PRKCE: variants seen among roughly 807,000 people sequenced by gnomAD.
PRKCE encodes protein kinase C epsilon type.
Under a neutral mutation model 85.4 loss-of-function variants are expected in PRKCE, and 16 were observed. That is an observed-to-expected ratio of 0.19 (90% CI 0.13 to 0.28). The LOEUF (loss-of-function observed/expected upper bound fraction) is 0.28. PRKCE is among the 10% of genes least tolerant of loss of function. The pLI, the probability that PRKCE is intolerant of heterozygous loss-of-function variation, is 1.00. For synonymous variants in PRKCE, 388 were observed against 371.5 expected, an observed-to-expected ratio of 1.04 and a Z score of -0.51; for missense variants, 573 against 975.2, an observed-to-expected ratio of 0.59 and a Z score of 5.49.
At chr2:46,134,831 G>T (rs73926196) in intron 11 of PRKCE, among the ~76,000 whole-genome samples, 2 of 152,334 alleles carry the variant, frequency 1.3e-5, no homozygotes, top group African/African-American at 4.8e-5. Context: ...ACGACGGATC[G>T]TCAGGCTAGC....
chr2:46,084,246 TGG>T (rs1669369002), intron 10 of PRKCE, among the ~76,000 whole-genome samples: 2 of 151,886 alleles, frequency 1.3e-5, no homozygotes, highest in Non-Finnish European at 2.9e-5. Flanking sequence ...GAGACTGGAG[TGG>T]GGGTGAAGGT....
intron 2 of PRKCE, among the ~76,000 whole-genome samples, chr2:45,963,460 C>T (rs1282859918): frequency 1.3e-5 from 2 of 152,198 alleles, no homozygotes; most frequent in African/African-American, 4.8e-5. Context: ...AGGTGTGCGC[C>T]ACCACGCCCG....
At chr2:46,102,762 A>C (rs944015032) in intron 11 of PRKCE, among the ~76,000 whole-genome samples, 3 of 152,090 alleles carry the variant, frequency 2.0e-5, no homozygotes, top group Non-Finnish European at 4.4e-5. Context: ...TCATGATTAG[A>C]CTCTGATTAT....
chr2:46,032,712 A>T (rs1707611936), intron 10 of PRKCE, among the ~76,000 whole-genome samples: 1 of 152,204 alleles, frequency 6.6e-6, no homozygotes, highest in Non-Finnish European at 1.5e-5. Flanking sequence ...AGAAGGTCCT[A>T]ATCAGGAAGC....
intron 11 of PRKCE, among the ~76,000 whole-genome samples, chr2:46,087,859 G>A (rs1271055963): frequency 6.6e-6 from 1 of 152,140 alleles, no homozygotes; most frequent in African/African-American, 2.4e-5. Context: ...TGCAGCTTTA[G>A]TACTTATGTG....
At chr2:46,056,641 C>A (rs1380977535) in intron 10 of PRKCE, among the ~76,000 whole-genome samples, 1 of 152,168 alleles carries the variant, frequency 6.6e-6, no homozygotes, top group East Asian at 1.9e-4. Flanking sequence ...TACTCTGCCT[C>A]ATGAGTAATT....
chr2:46,093,888 T>C (rs1047251423), intron 11 of PRKCE, among the ~76,000 whole-genome samples: 9 of 152,182 alleles, frequency 5.9e-5, no homozygotes, highest in African/African-American at 2.2e-4. Flanking sequence ...TAGTATACAT[T>C]ATTATAACTG....
chr2:46,009,518 C>A (rs1281530258), intron 9 of PRKCE, among the ~76,000 whole-genome samples: 2 of 152,184 alleles, frequency 1.3e-5, no homozygotes, highest in South Asian at 2.1e-4. Flanking sequence ...TTAAGTGAAA[C>A]TACTCAGTAT....
At chr2:46,173,118 C>T (rs1191583416) in intron 14 of PRKCE, among the ~76,000 whole-genome samples, 1 of 152,250 alleles carries the variant, frequency 6.6e-6, no homozygotes, top group Non-Finnish European at 1.5e-5. Flanking sequence ...ATCCAGCCCA[C>T]CACCTGCTTT....
intron 10 of PRKCE, among the ~76,000 whole-genome samples, chr2:46,022,477 C>T (rs373108537): frequency 1.3e-5 from 2 of 152,066 alleles, no homozygotes; most frequent in Admixed American, 6.5e-5. Flanking sequence ...GGGAAAGTCA[C>T]ATGGGGCCTT....
rs1680300776 is a variant in PRKCE, at chr2:46,184,460, C to CACACACGT, written c.2068-273_2068-272insACACGTAC. Among the ~76,000 whole-genome samples the CACACACGT allele has an allele frequency of 6.6e-6, 1 of 151,816 alleles. No homozygotes were observed. The highest frequency in any genetic ancestry group is 1.5e-5 in the Non-Finnish European group (1 of 67,940). On this transcript the variant is annotated intron_variant, in intron 14 of 14. Coordinates refer to ENST00000306156, the MANE Select transcript of PRKCE (RefSeq NM_005400.3). The surrounding 1 kb of genome is among the most constrained non-coding windows in gnomAD (Gnocchi z 5.0). Reference sequence around the variant, plus strand: ...ACACACACACACACACACACACACACACGTCTGTGGGAATCCCACTTCCCT... The same window carrying CACACACGT: ...ACACACACACACACACACACACACACACACACGTACGTCTGTGGGAATCCCACTTCCCT...
chr2:45,947,007 G>A (rs141440837), intron 2 of PRKCE, among the ~76,000 whole-genome samples: 89 of 152,296 alleles, frequency 5.8e-4, no homozygotes, highest in African/African-American at 2.0e-3. Context: ...CCCTCTAAAG[G>A]AATTCACATC....
intron 10 of PRKCE, among the ~76,000 whole-genome samples, chr2:46,040,764 G>A (rs964689817): frequency 1.3e-5 from 2 of 152,190 alleles, no homozygotes; most frequent in African/African-American, 4.8e-5. Flanking sequence ...TAACAGACAG[G>A]ACTAGTAACA....
chr2:45,976,441 A>C lies in PRKCE; in HGVS notation c.425A>C (p.Asn142Thr). 6.3e-7 allele frequency: 1 copy of C among 1,599,730 alleles called. No individual in the cohort carries two copies. Among genetic ancestry groups the C allele is most frequent in the Non-Finnish European group, 8.5e-7 (1 of 1,179,918 alleles). ...TGTCCTTCCCCAGCCCCTAAAGACA[A>C]TGAAGAGCGTGTGTTCAGGGAACGC... The part of the protein sequence containing the change: ...SGSSGEAPKD[N>T]EERVFRERMR... The change falls in exon 3 of 15, where the codon AAT (asparagine) becomes ACT (threonine). Residue 142 changes from asparagine to threonine, a missense_variant. Asn to Thr is a moderately conservative substitution (Grantham distance 65). Coordinates refer to ENST00000306156, the MANE Select transcript of PRKCE (RefSeq NM_005400.3).
intron 2 of PRKCE, among the ~76,000 whole-genome samples, chr2:45,912,614 C>G (rs1044532455): frequency 2.0e-5 from 3 of 152,124 alleles, no homozygotes; most frequent in Non-Finnish European, 4.4e-5. Flanking sequence ...AGGAGCCAAC[C>G]TGGGGACCAT....
At position 46,122,087 on chromosome 2, in the gene PRKCE, C is replaced by G. The variant is rs1673365252; in HGVS notation, c.1593-23006C>G. On this transcript the variant is annotated intron_variant, in intron 11 of 14. Coordinates refer to ENST00000306156, the MANE Select transcript of PRKCE (RefSeq NM_005400.3). ...CACCTATGTAACCCAAACGAAGATACAGCATATTCCCAGCACGAGGCAGGC... is the reference window on the plus strand; with the variant it reads ...CACCTATGTAACCCAAACGAAGATAGAGCATATTCCCAGCACGAGGCAGGC... Among the ~76,000 whole-genome samples the G allele has an allele frequency of 2.0e-5, 3 of 152,126 alleles. No homozygotes were observed. In the South Asian group the frequency reaches 6.2e-4, roughly 32 times the overall value.
intron 2 of PRKCE, 126 bp from the exon 3 acceptor site, chr2:45,976,303 C>A: frequency 8.8e-7 from 1 of 1,136,954 alleles, no homozygotes; most frequent in Non-Finnish European, 1.3e-6. Flanking sequence ...CCTCCACACA[C>A]AAAGGCTACC....
intron 11 of PRKCE, among the ~76,000 whole-genome samples, chr2:46,092,077 C>G (rs138858903): frequency 2.6e-5 from 4 of 152,304 alleles, no homozygotes; most frequent in African/African-American, 9.6e-5. Context: ...TCTTCGTGAG[C>G]AACTTACAAA....
intron 10 of PRKCE, among the ~76,000 whole-genome samples, chr2:46,020,711 A>G (rs1706575417): frequency 6.6e-6 from 1 of 152,236 alleles, no homozygotes; most frequent in Admixed American, 6.5e-5. Flanking sequence ...ACACTACTTC[A>G]TTGATCAGGA....
Sources: gnomAD v4.1 joint callset for allele counts (sites outside exome capture counted in the v4.1 genomes callset) on GRCh38, gnomAD v4.1.1 for gene constraint, Gnocchi (gnomAD v3.1) non-coding constraint, MANE v1.5 for transcripts, NCBI Gene and HGNC (gene_info 2026-07-23, HGNC 2026-07-21) for gene names.